The following PELI2 variants were observed in gnomAD, a reference collection of about 807,000 sequenced individuals.
The protein encoded by PELI2 is E3 ubiquitin-protein ligase pellino homolog 2.
A neutral mutation model predicts 42.3 loss-of-function variants in PELI2; 23 were observed. The observed-to-expected ratio is 0.54, with a 90% CI of 0.39 to 0.77. PELI2 has a LOEUF of 0.77. Ranked by LOEUF, PELI2 falls within the 30% of genes least tolerant of loss-of-function variation. The pLI, the probability that PELI2 is intolerant of heterozygous loss-of-function variation, is 0.00. For missense variants in PELI2, 463 were observed against 553.2 expected, an observed-to-expected ratio of 0.84 and a Z score of 1.64; for synonymous variants, 245 against 212.2, an observed-to-expected ratio of 1.15 and a Z score of -1.34.
chr14:56,276,768 A>AT (rs1270211352), intron 2 of PELI2, among the ~76,000 whole-genome samples: 2 of 152,156 alleles, frequency 1.3e-5, no homozygotes, highest in African/African-American at 4.8e-5. Flanking sequence ...CAGAAAAGGC[A>AT]TTTTCCTAAC....
intron 3 of PELI2, among the ~76,000 whole-genome samples, chr14:56,284,184 G>A (rs1478347750): frequency 2.0e-5 from 3 of 152,106 alleles, no homozygotes; most frequent in Non-Finnish European, 4.4e-5. Context: ...TATTGCCTGA[G>A]GAGAAAAATC....
chr14:56,178,493 G>T lies in PELI2; in HGVS notation c.207+29G>T, dbSNP rs202010464. On this transcript the variant is annotated intron_variant, in intron 2 of 5. Transcript: ENST00000267460. ...GGTGGGTCTGTCAAGAGTTGGGAGG[G>T]TGCTGGCAAACAGTGACTCACAGAT... The T allele has an allele frequency of 4.6e-5, 74 of 1,613,062 alleles. No individual in the cohort carries two copies. In the African/African-American group the frequency reaches 9.5e-4, roughly 21 times the overall value.
intron 1 of PELI2, among the ~76,000 whole-genome samples, chr14:56,171,040 T>C (rs1885149964): frequency 6.6e-6 from 1 of 152,198 alleles, no homozygotes; most frequent in Admixed American, 6.5e-5. Flanking sequence ...CCAGGGAACG[T>C]TCTGACCTTC....
At chr14:56,222,619 C>A (rs1190073150) in intron 2 of PELI2, among the ~76,000 whole-genome samples, 1 of 152,212 alleles carries the variant, frequency 6.6e-6, no homozygotes, top group African/African-American at 2.4e-5. Flanking sequence ...GAAAAACTGT[C>A]TTTTTAGTGC....
rs1185038255 is a variant in PELI2 at position 56,186,317 on chromosome 14, T to G, written c.207+7853T>G. On this transcript the variant is annotated intron_variant, in intron 2 of 5. Transcript: ENST00000267460. ...ATGGAACTCAATCCTGCCAGGTCCC[T>G]GAATGTCCCTGAAAACAGATTATTC... is the stretch of plus-strand genomic sequence containing the variant. Among the ~76,000 whole-genome samples the G allele has an allele frequency of 2.0e-5, 3 of 152,180 alleles. No homozygotes were observed. In the East Asian group the frequency reaches 5.8e-4, roughly 29 times the overall value.
intron 1 of PELI2, among the ~76,000 whole-genome samples, chr14:56,161,582 A>C (rs1270654392): frequency 6.6e-6 from 1 of 152,092 alleles, no homozygotes; most frequent in Non-Finnish European, 1.5e-5. Context: ...TGGGTCTTTC[A>C]TATCTGTTAC....
At chr14:56,187,378 T>C (rs1885803946) in intron 2 of PELI2, among the ~76,000 whole-genome samples, 2 of 152,190 alleles carry the variant, frequency 1.3e-5, no homozygotes, top group South Asian at 4.1e-4. Flanking sequence ...GGATAAGCTG[T>C]CAGTCTAAAA....
At position 56,200,631 on chromosome 14, in the gene PELI2, A is replaced by G. The variant is rs144261781; in HGVS notation, c.207+22167A>G. On this transcript the variant is annotated intron_variant, in intron 2 of 5. Transcript: ENST00000267460. ...CAAAAATACACACGCAGTTGTTGAA[A>G]TATTGGCTTTTTGATTTCTGAAATG... Among the ~76,000 whole-genome samples, 370 of 152,330 alleles carry G rather than the reference A, an allele frequency of 2.4e-3. 1 individual carries two copies. The highest frequency in any genetic ancestry group is 8.3e-3 in the African/African-American group (345 of 41,584).
intron 2 of PELI2, among the ~76,000 whole-genome samples, chr14:56,256,148 T>C (rs1888519860): frequency 6.6e-6 from 1 of 152,020 alleles, no homozygotes; most frequent in African/African-American, 2.4e-5. Flanking sequence ...CCATTTACAC[T>C]CAGGAGCAGT....
At chr14:56,161,338 A>G (rs1018831553) in intron 1 of PELI2, among the ~76,000 whole-genome samples, 3 of 147,526 alleles carry the variant, frequency 2.0e-5, no homozygotes, top group African/African-American at 7.6e-5. Flanking sequence ...GAAACAGTCT[A>G]GCTTTGGTGC....
intron 1 of PELI2, among the ~76,000 whole-genome samples, chr14:56,157,922 G>T (rs1335356443): frequency 6.6e-6 from 1 of 152,088 alleles, no homozygotes. Flanking sequence ...CAAACTTAGG[G>T]CAATAATCAG....
In PELI2 at chr14:56,281,540, GAGAA is replaced by G. The variant is rs1566682144; in HGVS notation, c.309+1772_309+1775del. 5.9e-5 allele frequency among the ~76,000 whole-genome samples: 9 copies of G among 152,196 alleles called. No individual in the cohort carries two copies. In the South Asian group the frequency reaches 1.9e-3, roughly 32 times the overall value. On this transcript the variant is annotated intron_variant, in intron 3 of 5. Coordinates refer to ENST00000267460, the MANE Select transcript of PELI2 (RefSeq NM_021255.3). ...ATCACCTAATTCAGTACTTTTGATT[GAGAA>G]AGAAAGAATATTTTATGTGGTTTTT...
rs533708802 is a variant in PELI2 at position 56,140,125 on chromosome 14, A to G, written c.77+21388A>G. ...TAGCTAAATCACCCGTCATGCCTCA[A>G]ACATGTATAATTTAGAGCTGGGTGC... is the stretch of plus-strand genomic sequence containing the variant. On this transcript the variant is annotated intron_variant, in intron 1 of 5. Coordinates refer to ENST00000267460, the MANE Select transcript of PELI2 (RefSeq NM_021255.3). Among the ~76,000 whole-genome samples, 5 of 152,080 alleles carry G rather than the reference A, an allele frequency of 3.3e-5. No individual in the cohort carries two copies. In the East Asian group the frequency reaches 9.8e-4, roughly 30 times the overall value.
intron 2 of PELI2, among the ~76,000 whole-genome samples, chr14:56,230,905 G>T (rs1840881707): frequency 6.6e-6 from 1 of 152,114 alleles, no homozygotes; most frequent in Admixed American, 6.5e-5. Context: ...GATGGAGGAA[G>T]GTCTACCAAG....
chr14:56,208,093 A>G (rs964386411), intron 2 of PELI2, among the ~76,000 whole-genome samples: 5 of 152,242 alleles, frequency 3.3e-5, no homozygotes, highest in Non-Finnish European at 1.5e-5. Context: ...AGCCAGCTTT[A>G]TAGCCAGAGC....
chr14:56,200,650 T>A (rs978450073), intron 2 of PELI2, among the ~76,000 whole-genome samples: 1 of 152,244 alleles, frequency 6.6e-6, no homozygotes, highest in Non-Finnish European at 1.5e-5. Context: ...TTTTGATTTC[T>A]GAAATGCTGA....
intron 1 of PELI2, among the ~76,000 whole-genome samples, chr14:56,146,033 G>A (rs1884102734): frequency 6.6e-6 from 1 of 152,188 alleles, no homozygotes; most frequent in South Asian, 2.1e-4. Context: ...TGTGACAGAT[G>A]ACATTGTTTT....
At chr14:56,244,411 A>T (rs185456216) in intron 2 of PELI2, among the ~76,000 whole-genome samples, 7 of 152,346 alleles carry the variant, frequency 4.6e-5, no homozygotes, top group African/African-American at 1.7e-4. Flanking sequence ...ATCAGTCCTT[A>T]GAATATGTGT....
At position 56,299,799 on chromosome 14, in the gene PELI2, T is replaced by C. The variant is rs1297264358; in HGVS notation, c.*2633T>C. On this transcript the variant is annotated 3_prime_UTR_variant, in exon 6 of 6. Transcript: ENST00000267460. Reference sequence around the variant, plus strand: ...GGAAATTGCAGACCAATTAGTTGTCTTGGCCTGACTCTAATGCCTTTTGCA... The same window carrying C: ...GGAAATTGCAGACCAATTAGTTGTCCTGGCCTGACTCTAATGCCTTTTGCA... The C allele has an allele frequency of 1.3e-5, 2 of 152,366 alleles. No individual in the cohort carries two copies. The highest frequency in any genetic ancestry group is 2.4e-5 in the African/African-American group (1 of 41,584). 9.4% of individuals were successfully genotyped at this position (152,366 alleles called of 1,614,324 possible).
Sources: gnomAD v4.1 joint callset for allele counts (sites outside exome capture counted in the v4.1 genomes callset) on GRCh38, gnomAD v4.1.1 for gene constraint, MANE v1.5 for transcripts, NCBI Gene and HGNC (gene_info 2026-07-23, HGNC 2026-07-21) for gene names.